Variants in ATP13A5 observed in about 807,000 individuals in gnomAD.
The protein encoded by ATP13A5 is ATPase 13A5, also known as probable cation-transporting ATPase 13A5.
Under a neutral mutation model 150.2 loss-of-function variants are expected in ATP13A5, and 149 were observed. The observed-to-expected ratio is 0.99, with a 90% CI of 0.87 to 1.14. The LOEUF is 1.14. ATP13A5 is among the 50% of genes most tolerant of loss of function. The pLI is 0.00. For missense variants in ATP13A5, 1,383 were observed against 1,449.3 expected, an observed-to-expected ratio of 0.95 and a Z score of 0.74; for synonymous variants, 497 against 522.2, an observed-to-expected ratio of 0.95 and a Z score of 0.66.
intron 7 of ATP13A5, among the ~76,000 whole-genome samples, chr3:193,345,957 T>C (rs1372035870): frequency 6.6e-6 from 1 of 152,088 alleles, no homozygotes; most frequent in Non-Finnish European, 1.5e-5. Context: ...TTGGGTTGTG[T>C]TCTGATTGCA....
chr3:193,301,353 T>C (rs761331274), intron 23 of ATP13A5, 46 bp from the exon 24 acceptor site: 7 of 1,439,868 alleles, frequency 4.9e-6, no homozygotes, highest in South Asian at 1.2e-5. Flanking sequence ...GTATGATAAA[T>C]GTCTCCCAAC....
chr3:193,275,925 G>A (rs563783815), intron 29 of ATP13A5, among the ~76,000 whole-genome samples: 1 of 152,070 alleles, frequency 6.6e-6, no homozygotes, highest in African/African-American at 2.4e-5. Context: ...GATTAATAAT[G>A]ATTTTTAGTG....
intron 9 of ATP13A5, among the ~76,000 whole-genome samples, chr3:193,336,765 C>T (rs1411281113): frequency 6.6e-6 from 1 of 152,184 alleles, no homozygotes. Context: ...AATGGGATGG[C>T]TGGGTCAAAT....
intron 14 of ATP13A5, among the ~76,000 whole-genome samples, 164 bp from the exon 15 acceptor site, chr3:193,322,738 G>T (rs78863308): frequency 0.015 from 2,217 of 152,170 alleles, 47 homozygotes; most frequent in Admixed American, 0.052. Flanking sequence ...CTGTTGTATC[G>T]ATTTATATTA....
intron 2 of ATP13A5, among the ~76,000 whole-genome samples, chr3:193,363,850 C>T (rs1430234394): frequency 6.6e-6 from 1 of 152,096 alleles, no homozygotes; most frequent in Non-Finnish European, 1.5e-5. Flanking sequence ...AAGAGCACTC[C>T]CTGTTAACCT....
At chr3:193,330,085 C>T (rs1269855520) in intron 12 of ATP13A5, among the ~76,000 whole-genome samples, 2 of 152,176 alleles carry the variant, frequency 1.3e-5, no homozygotes, top group Non-Finnish European at 2.9e-5. Context: ...CCTCTGTTCC[C>T]CACATGCAGT....
intron 26 of ATP13A5, among the ~76,000 whole-genome samples, chr3:193,285,405 T>C (rs1273345560): frequency 6.6e-6 from 1 of 152,164 alleles, no homozygotes; most frequent in Non-Finnish European, 1.5e-5. Context: ...ATAGACCATG[T>C]CAATTAAACT....
intron 7 of ATP13A5, among the ~76,000 whole-genome samples, chr3:193,349,932 C>A (rs560638659): frequency 6.6e-6 from 1 of 152,194 alleles, no homozygotes; most frequent in South Asian, 2.1e-4. Flanking sequence ...TATGTAAGAA[C>A]ACGCCCATAC....
intron 27 of ATP13A5, among the ~76,000 whole-genome samples, chr3:193,284,007 G>GATTATTATTATTATTATT (rs3048432): frequency 7.3e-4 from 103 of 141,898 alleles, no homozygotes; most frequent in African/African-American, 2.6e-3. Flanking sequence ...TTGGCCTGCG[G>GATTATTATTATTATTATT]ATTATTATTA....
chr3:193,289,050 A>G (rs1324604950), intron 26 of ATP13A5, among the ~76,000 whole-genome samples: 1 of 152,138 alleles, frequency 6.6e-6, no homozygotes, highest in Admixed American at 6.6e-5. Flanking sequence ...AAATTGCCAA[A>G]TTTTTTATCT....
In ATP13A5 at chr3:193,362,179, A is replaced by G. The variant is rs546989982; in HGVS notation, c.536+202T>C. ...CCTGAGATAAAAGATCAAATTTTAT[A>G]TGATTGCATTGTTCTTTTGGTCTTT... On this transcript the variant is annotated intron_variant, in intron 5 of 29. Coordinates refer to ENST00000342358, the MANE Select transcript of ATP13A5 (RefSeq NM_198505.4). Among the ~76,000 whole-genome samples the G allele has an allele frequency of 2.0e-4, 31 of 152,358 alleles. 1 individual carries two copies. In the South Asian group the frequency reaches 6.0e-3, roughly 30 times the overall value.
At position 193,378,546 on chromosome 3, in the gene ATP13A5, T is replaced by C. The variant is rs914135813; in HGVS notation, c.63+117A>G. 23 of 922,832 alleles carry C rather than the reference T, an allele frequency of 2.5e-5. No homozygotes were observed. The African/African-American group carries it at 3.1e-4, about 13-fold the overall frequency. The allele number at this position is 922,832 out of a possible 1,614,324, so 57.2% of individuals were successfully genotyped here. On this transcript the variant is annotated intron_variant, in intron 1 of 29. Transcript: ENST00000342358. ...AAGGAACCTTACCAGACTGAAACCT[T>C]TCAAGGTCCTAAAGCCTGAAGCATA...
At chr3:193,378,351 T>A (rs867975758) in intron 1 of ATP13A5, among the ~76,000 whole-genome samples, 5 of 152,262 alleles carry the variant, frequency 3.3e-5, no homozygotes, top group Middle Eastern at 3.4e-3. Context: ...ATCCAGATAA[T>A]AAGGGGGAGA....
chr3:193,364,330 A>G (rs1276439700), intron 1 of ATP13A5, 50 bp from the exon 2 acceptor site: 1 of 1,581,536 alleles, frequency 6.3e-7, no homozygotes, highest in East Asian at 2.2e-5. Flanking sequence ...CTTCACATAA[A>G]CATATTATTT....
chr3:193,279,407 T>A lies in ATP13A5; in HGVS notation c.3274A>T (p.Ile1092Phe), dbSNP rs1000693551. The stretch of plus-strand genomic sequence containing the variant: ...ATAACTTGAAAGTCAGAAAACAGAA[T>A]GAAAATTGTGAGGCCCAAGGCAGCT... ...LLAALGLTIF[I>F]LFSDFQVIYR... The change falls in exon 28 of 30, where the codon ATT becomes TTT. Residue 1092 changes from isoleucine to phenylalanine, a missense_variant. By Grantham distance (21) the Ile-to-Phe change is conservative (BLOSUM62 0). This residue lies in a region of ATP13A5 where 568 missense variants were observed against 621.5 expected (regional missense o/e 0.91). Coordinates refer to ENST00000342358, the MANE Select transcript of ATP13A5 (RefSeq NM_198505.4). 3 of 1,613,798 alleles carry A rather than the reference T, an allele frequency of 1.9e-6. No homozygotes were observed. The highest frequency in any genetic ancestry group is 2.5e-6 in the Non-Finnish European group (3 of 1,179,842).
chr3:193,378,611 C>T (rs376358511), intron 1 of ATP13A5, 52 bp downstream of exon 1: 2 of 1,472,538 alleles, frequency 1.4e-6, no homozygotes, highest in Non-Finnish European at 1.9e-6. Context: ...GTAGCCCATA[C>T]TCACCGCCTT....
chr3:193,339,209 A>G (rs1712018817), intron 9 of ATP13A5, among the ~76,000 whole-genome samples: 1 of 151,858 alleles, frequency 6.6e-6, no homozygotes, highest in Admixed American at 6.6e-5. Flanking sequence ...TGATTTTTTT[A>G]AGGGTTTTTT....
intron 1 of ATP13A5, among the ~76,000 whole-genome samples, chr3:193,377,668 G>T (rs1256293128): frequency 1.3e-5 from 2 of 152,172 alleles, no homozygotes; most frequent in Non-Finnish European, 2.9e-5. Flanking sequence ...AGCCGGTATG[G>T]ATTTGCCCCA....
In ATP13A5 at chr3:193,351,085, A is replaced by G; in HGVS notation, c.723T>C (p.Ser241=). The change falls in exon 7 of 30, where the codon AGT becomes AGC. Residue 241 remains serine, a synonymous_variant. Transcript: ENST00000342358. The part of the protein sequence containing the change: ...IILTVISIVL[S]VYDLRQQSVK... ...GTCTTACCTGTCGCAAATCATACAC[A>G]CTTAAGACAATGGAGATAACAGTCA... is the stretch of plus-strand genomic sequence containing the variant. The G allele has an allele frequency of 6.2e-7, 1 of 1,613,592 alleles. No individual in the cohort carries two copies. Among genetic ancestry groups the G allele is most frequent in the Middle Eastern group, 1.7e-4 (1 of 6,058 alleles).
Sources: allele counts gnomAD v4.1 joint callset (sites outside exome capture counted in the v4.1 genomes callset), GRCh38; gene constraint gnomAD v4.1.1; regional missense constraint gnomAD v4.1.1; transcripts MANE v1.5; gene names NCBI Gene and HGNC (gene_info 2026-07-23, HGNC 2026-07-21).